The following SLC35F5 variants were observed in gnomAD, a reference collection of about 807,000 sequenced individuals.
SLC35F5 encodes solute carrier family 35 member F5, also known as HCV NS5A-transactivated protein 3.
SLC35F5 carries 54 observed loss-of-function variants against 68.6 expected under a neutral mutation model. That is an observed-to-expected ratio of 0.79 (90% CI 0.63 to 0.99). The LOEUF is 0.99. Ranked by LOEUF, SLC35F5 falls within the 50% of genes least tolerant of loss-of-function variation. The probability of loss-of-function intolerance (pLI) is 0.00; values close to 1 mark genes in which losing one functional copy is unlikely to be tolerated. For missense variants in SLC35F5, 567 were observed against 626.9 expected (o/e 0.90, Z 1.02); for synonymous variants, 211 against 205.2 (o/e 1.03, Z -0.24).
intron 4 of SLC35F5, among the ~76,000 whole-genome samples, chr2:113,746,763 A>T (rs952987002): frequency 2.0e-5 from 3 of 152,036 alleles, no homozygotes; most frequent in African/African-American, 7.2e-5. Flanking sequence ...TGTCTCTACT[A>T]AAAATACAAA....
intron 6 of SLC35F5, 40 bp from the exon 7 acceptor site, chr2:113,742,919 C>A (rs1314594228): frequency 6.4e-7 from 1 of 1,560,808 alleles, no homozygotes; most frequent in Non-Finnish European, 8.8e-7. Context: ...TTAAATAATT[C>A]CTCTCCAACA....
chr2:113,720,132 T>C (rs1472115375), intron 13 of SLC35F5, among the ~76,000 whole-genome samples: 1 of 151,720 alleles, frequency 6.6e-6, no homozygotes, highest in Non-Finnish European at 1.5e-5. Flanking sequence ...AAACTCATTC[T>C]TCCCTTTCAC....
intron 4 of SLC35F5, among the ~76,000 whole-genome samples, chr2:113,749,411 G>A (rs1399911658): frequency 1.3e-5 from 2 of 152,172 alleles, no homozygotes; most frequent in African/African-American, 4.8e-5. Flanking sequence ...GAGGCAAGTA[G>A]ACTGCTTGAG....
Position 113,728,656 on chromosome 2 carries a change from T to G in SLC35F5, c.1090+745A>C, listed in dbSNP as rs1401914970. 2.0e-5 allele frequency among the ~76,000 whole-genome samples: 3 copies of G among 152,218 alleles called. No individual in the cohort carries two copies. In the East Asian group the frequency reaches 5.8e-4, roughly 29 times the overall value. ...CCTCATATTTCAGATGCCTATGAGATAAATAAAGTTACAACAGCTGGATTC... is the reference window on the plus strand; with the variant it reads ...CCTCATATTTCAGATGCCTATGAGAGAAATAAAGTTACAACAGCTGGATTC... On this transcript the variant is annotated intron_variant, in intron 11 of 15. Coordinates refer to ENST00000245680, the MANE Select transcript of SLC35F5 (RefSeq NM_025181.5).
intron 15 of SLC35F5, among the ~76,000 whole-genome samples, chr2:113,716,062 A>C (rs1446100566): frequency 2.0e-5 from 3 of 152,218 alleles, no homozygotes; most frequent in African/African-American, 4.8e-5. Context: ...GATTACAGGC[A>C]TGAGTCACTA....
chr2:113,731,532 A>G (rs1687887905), intron 10 of SLC35F5, 52 bp downstream of exon 10: 5 of 1,446,792 alleles, frequency 3.5e-6, no homozygotes, highest in African/African-American at 1.4e-5. Flanking sequence ...GAGCACGCAC[A>G]TGTAACTTTC....
At chr2:113,754,140 A>G (rs986093922) in intron 3 of SLC35F5, among the ~76,000 whole-genome samples, 1 of 151,930 alleles carries the variant, frequency 6.6e-6, no homozygotes, top group African/African-American at 2.4e-5. Flanking sequence ...AAATACAAAA[A>G]TTAGCCTGGC....
intron 6 of SLC35F5, among the ~76,000 whole-genome samples, chr2:113,743,290 C>A (rs549270012): frequency 1.3e-5 from 2 of 152,194 alleles, no homozygotes; most frequent in East Asian, 3.9e-4. Flanking sequence ...CTCTATAGGT[C>A]CATTCCTTGC....
Position 113,729,455 on chromosome 2 carries a change from T to C in SLC35F5, c.1036A>G (p.Met346Val), listed in dbSNP as rs199593131. The change falls in exon 11 of 16, where the codon ATG becomes GTG. Residue 346 changes from methionine (M) to valine (V), a missense_variant. Transcript: ENST00000245680. ...GAMLYAVYIV[M>V]IKRKVDREDK... The stretch of plus-strand genomic sequence containing the variant: ...TCTCTATCTACTTTTCTCTTAATCA[T>C]AACAATATAGACAGCATAGAGCATG... The C allele has an allele frequency of 1.0e-4, 160 of 1,596,148 alleles. No individual in the cohort carries two copies. The highest frequency in any genetic ancestry group is 8.5e-7 in the Non-Finnish European group (1 of 1,172,118).
In SLC35F5 at chr2:113,731,659, AAC is replaced by A. The variant is rs1211107270; in HGVS notation, c.921-13_921-12del. Reference sequence around the variant, plus strand: ...ACAACGCCTCCAATGCTATGAGAATAACAGTCATTAATGATGAGCTAAAGAAT... The same window carrying A: ...ACAACGCCTCCAATGCTATGAGAATAAGTCATTAATGATGAGCTAAAGAAT... On this transcript the variant is annotated splice_polypyrimidine_tract_variant and intron_variant, in intron 9 of 15. Coordinates refer to ENST00000245680, the MANE Select transcript of SLC35F5 (RefSeq NM_025181.5). The A allele has an allele frequency of 1.2e-6, 2 of 1,606,950 alleles. No homozygotes were observed. Among genetic ancestry groups the A allele is most frequent in the African/African-American group, 1.3e-5 (1 of 74,746 alleles).
At position 113,742,824 on chromosome 2, in the gene SLC35F5, C is replaced by A. The variant is rs748315608; in HGVS notation, c.618G>T (p.Pro206=). The A allele has an allele frequency of 2.5e-6, 4 of 1,614,096 alleles. No homozygotes were observed. The highest frequency in any genetic ancestry group is 2.5e-6 in the Non-Finnish European group (3 of 1,179,992). Residue 206 remains proline (P), a synonymous_variant, in exon 7 of 16, where the codon CCG becomes CCT. Transcript: ENST00000245680. ...FSNIMEIRQL[P]SSHALEAKLS... is the part of the protein sequence containing the mutation. ...ACTTTGCTTCCAATGCATGACTTGA[C>A]GGAAGCTGTCGAATCTCCATGATAT...
rs1687796863 is a variant in SLC35F5, at chr2:113,729,408, C to T, written c.1083G>A (p.Met361Ile). The T allele has an allele frequency of 6.8e-7, 1 of 1,478,686 alleles. No individual in the cohort carries two copies. Among genetic ancestry groups the T allele is most frequent in the Non-Finnish European group, 9.4e-7 (1 of 1,068,040 alleles). 91.6% of individuals were successfully genotyped at this position (1,478,686 alleles called of 1,614,324 possible). A position where few individuals can be genotyped will look rare whatever the true frequency, so the allele number is the denominator to read the frequency against. The change falls in exon 11 of 16, where the codon ATG (methionine) becomes ATA (isoleucine). Residue 361 changes from methionine (M) to isoleucine (I), a missense_variant. By Grantham distance (10) the Met-to-Ile change is conservative (BLOSUM62 1). Transcript: ENST00000245680. ...AGTTACATATATTCTTACCAAAGAA[C>T]ATTGGAATATCCAACTTGTCTTCTC... ...VDREDKLDIP[M>I]FFGFVGLFNL... is the part of the protein sequence containing the mutation.
At chr2:113,736,286 A>T (rs2104448880) in intron 7 of SLC35F5, among the ~76,000 whole-genome samples, 1 of 151,802 alleles carries the variant, frequency 6.6e-6, no homozygotes. Flanking sequence ...AAAAAAAAAA[A>T]ATACAAAAAT....
Position 113,742,891 on chromosome 2 carries a change from G to T in SLC35F5, c.563-12C>A. 1 of 1,606,580 alleles carries T rather than the reference G, an allele frequency of 6.2e-7. No individual in the cohort carries two copies. Among genetic ancestry groups the T allele is most frequent in the South Asian group, 1.1e-5 (1 of 90,268 alleles). On this transcript the variant is annotated splice_polypyrimidine_tract_variant and intron_variant, in intron 6 of 15. Transcript: ENST00000245680. ...AGACTTTTTGGGGGCTTAAAAGGAA[G>T]AGCATAATATGAAATAATTAAATAA...
intron 4 of SLC35F5, among the ~76,000 whole-genome samples, chr2:113,747,422 G>T (rs1676541462): frequency 6.6e-6 from 1 of 152,112 alleles, no homozygotes; most frequent in South Asian, 2.1e-4. Context: ...GTCTGAAGAG[G>T]TTAAAAAACT....
At chr2:113,751,051 G>A (rs1033016787) in intron 3 of SLC35F5, among the ~76,000 whole-genome samples, 2 of 152,262 alleles carry the variant, frequency 1.3e-5, no homozygotes, top group Non-Finnish European at 2.9e-5. Flanking sequence ...AGGCTGAAGC[G>A]GGAGGATCCC....
chr2:113,756,436 G>C lies in SLC35F5; in HGVS notation c.-27C>G, dbSNP rs1454946578. Reference sequence around the variant, plus strand: ...AGCGGACCGGTCAGGCCCCGCAGCCGCCCAGCGCCACGGCCGCGGCCTCGG... The same window carrying C: ...AGCGGACCGGTCAGGCCCCGCAGCCCCCCAGCGCCACGGCCGCGGCCTCGG... On this transcript the variant is annotated 5_prime_UTR_variant, in exon 1 of 16. Transcript: ENST00000245680. The C allele has an allele frequency of 6.5e-7, 1 of 1,542,344 alleles. No homozygotes were observed. The highest frequency in any genetic ancestry group is 1.2e-5 in the South Asian group (1 of 84,024).
In SLC35F5 at chr2:113,709,936, C is replaced by A. The variant is rs1686926867; in HGVS notation, c.*5282G>T. Among the ~76,000 whole-genome samples the A allele has an allele frequency of 6.6e-6, 1 of 152,198 alleles. No homozygotes were observed. The highest frequency in any genetic ancestry group is 2.4e-5 in the African/African-American group (1 of 41,446). On this transcript the variant is annotated 3_prime_UTR_variant, in exon 16 of 16. Coordinates refer to ENST00000245680, the MANE Select transcript of SLC35F5 (RefSeq NM_025181.5). ...AAGTGATCCTCCTGCCTCAGACTCC[C>A]AAGCAGCTCAGACTACAGGTATGCA...
At position 113,712,435 on chromosome 2, in the gene SLC35F5, G is replaced by A. The variant is rs1003711827; in HGVS notation, c.*2783C>T. Among the ~76,000 whole-genome samples, 2 of 152,126 alleles carry A rather than the reference G, an allele frequency of 1.3e-5. No homozygotes were observed. Among genetic ancestry groups the A allele is most frequent in the Non-Finnish European group, 2.9e-5 (2 of 68,026 alleles). ...GGGTTCACGCCATTCTGCTGCCTCA[G>A]CCTCCCGAGCAGCTGGGACTACAGG... On this transcript the variant is annotated 3_prime_UTR_variant, in exon 16 of 16. Coordinates refer to ENST00000245680, the MANE Select transcript of SLC35F5 (RefSeq NM_025181.5).
Sources: allele counts gnomAD v4.1 joint callset (sites outside exome capture counted in the v4.1 genomes callset), GRCh38; gene constraint gnomAD v4.1.1; transcripts MANE v1.5; gene names NCBI Gene and HGNC (gene_info 2026-07-23, HGNC 2026-07-21).